KIAA1328: variants seen among roughly 807,000 people sequenced by gnomAD.
The protein encoded by KIAA1328 is KIAA1328.
In KIAA1328, 52 loss-of-function variants were observed where a neutral mutation model predicts 68.1. That is an observed-to-expected ratio of 0.76 (90% confidence interval 0.61 to 0.96). The LOEUF is 0.96. Among genes scored for constraint, KIAA1328 ranks in the 40% least tolerant of loss-of-function variants. The pLI, the probability that KIAA1328 is intolerant of heterozygous loss-of-function variation, is 0.00. For synonymous variants in KIAA1328, 232 were observed against 239.4 expected, an observed-to-expected ratio of 0.97 and a Z score of 0.28; for missense variants, 641 against 677.6, an observed-to-expected ratio of 0.95 and a Z score of 0.60.
chr18:37,199,096 T>C lies in KIAA1328; in HGVS notation c.1524-22921T>C, dbSNP rs2060058803. 3.3e-5 allele frequency among the ~76,000 whole-genome samples: 5 copies of C among 152,360 alleles called. No homozygotes were observed. The South Asian group carries it at 1.0e-3, about 32-fold the overall frequency. On this transcript the variant is annotated intron_variant, in intron 9 of 9. Transcript: ENST00000280020. ...AAGACAGAGGACATGTTTTTTGTTT[T>C]TTAACTTTTAAGTTCAAGGGTACAT...
intron 8 of KIAA1328, among the ~76,000 whole-genome samples, chr18:37,168,368 C>G (rs1200180010): frequency 6.6e-6 from 1 of 152,162 alleles, no homozygotes; most frequent in Admixed American, 6.5e-5. Flanking sequence ...TAGCTGTGTA[C>G]CTAGGAAGAA....
intron 5 of KIAA1328, among the ~76,000 whole-genome samples, chr18:36,930,071 T>C (rs1043512088): frequency 2.6e-5 from 4 of 152,166 alleles, no homozygotes; most frequent in African/African-American, 9.7e-5. Flanking sequence ...TGTAAGCCAC[T>C]GGTAGAGACC....
At chr18:36,870,538 C>A (rs1472577228) in intron 4 of KIAA1328, among the ~76,000 whole-genome samples, 2 of 152,126 alleles carry the variant, frequency 1.3e-5, no homozygotes, top group Admixed American at 6.5e-5. Context: ...CCCTTCCTGT[C>A]CTCCCATAGA....
intron 7 of KIAA1328, among the ~76,000 whole-genome samples, chr18:37,079,890 A>G (rs1032232029): frequency 3.9e-5 from 6 of 152,022 alleles, no homozygotes; most frequent in African/African-American, 1.5e-4. Flanking sequence ...GTCTCAAAAA[A>G]AAAAAAAAAA....
chr18:37,109,033 GTTT>G (rs2057855096), intron 7 of KIAA1328, among the ~76,000 whole-genome samples: 1 of 151,660 alleles, frequency 6.6e-6, no homozygotes, highest in Non-Finnish European at 1.5e-5. Flanking sequence ...GCAGTGTTTG[GTTT>G]TCTGTCCTTG....
intron 6 of KIAA1328, among the ~76,000 whole-genome samples, chr18:37,038,643 A>G (rs1329504413): frequency 6.6e-6 from 1 of 152,072 alleles, no homozygotes; most frequent in Non-Finnish European, 1.5e-5. Flanking sequence ...ATAAAGGATT[A>G]TGGCACCTGT....
chr18:36,862,532 A>G (rs1359631540), intron 4 of KIAA1328, among the ~76,000 whole-genome samples: 1 of 152,030 alleles, frequency 6.6e-6, no homozygotes, highest in Non-Finnish European at 1.5e-5. Context: ...TGCATGTATC[A>G]ATAATTTGTT....
chr18:37,123,581 C>T (rs1229066308), intron 7 of KIAA1328, among the ~76,000 whole-genome samples: 1 of 152,072 alleles, frequency 6.6e-6, no homozygotes, highest in Non-Finnish European at 1.5e-5. Context: ...AGTAAGAATA[C>T]ATTAAATTTA....
chr18:36,885,794 C>T (rs878936739), intron 5 of KIAA1328, 122 bp downstream of exon 5: 48 of 594,060 alleles, frequency 8.1e-5, no homozygotes, highest in East Asian at 7.4e-4. Flanking sequence ...TTCAGTTCAC[C>T]GCAACCTCCA....
chr18:37,058,497 G>A (rs998848905), intron 6 of KIAA1328, among the ~76,000 whole-genome samples: 2 of 152,150 alleles, frequency 1.3e-5, no homozygotes, highest in Admixed American at 6.5e-5. Context: ...TGGGTTGCCT[G>A]TGCTCAGGAG....
chr18:37,167,172 G>C (rs2059405917), intron 8 of KIAA1328, among the ~76,000 whole-genome samples: 1 of 152,186 alleles, frequency 6.6e-6, no homozygotes, highest in African/African-American at 2.4e-5. Context: ...TGGGCAGGTT[G>C]TGGGGCTCTG....
chr18:36,910,149 G>C (rs1241164228), intron 5 of KIAA1328, among the ~76,000 whole-genome samples: 2 of 152,082 alleles, frequency 1.3e-5, no homozygotes, highest in African/African-American at 4.8e-5. Context: ...GTCAATTTTG[G>C]CTTTTGTTGC....
At chr18:36,880,597 T>C (rs1463373838) in intron 4 of KIAA1328, among the ~76,000 whole-genome samples, 5 of 152,194 alleles carry the variant, frequency 3.3e-5, no homozygotes, top group Admixed American at 6.5e-5. Flanking sequence ...GTCCAGTCAA[T>C]AATGAACAGA....
intron 7 of KIAA1328, among the ~76,000 whole-genome samples, chr18:37,086,041 T>C (rs894044656): frequency 1.3e-5 from 2 of 152,186 alleles, no homozygotes; most frequent in African/African-American, 4.8e-5. Context: ...ATCTCTCTTA[T>C]ATGTAGAATC....
chr18:37,137,750 C>A (rs1489256089), intron 7 of KIAA1328, among the ~76,000 whole-genome samples: 1 of 152,120 alleles, frequency 6.6e-6, no homozygotes, highest in African/African-American at 2.4e-5. Context: ...CCTCTTTCTC[C>A]TTCTCAATAG....
rs143727505 is a variant in KIAA1328, at chr18:37,120,494, G to A, written c.1233-39706G>A. The stretch of plus-strand genomic sequence containing the variant: ...GATGAGTAATTATTTAGAATTCCTG[G>A]TAGTTTGATAAAAAGATTACATAAT... On this transcript the variant is annotated intron_variant, in intron 7 of 9. Coordinates refer to ENST00000280020, the MANE Select transcript of KIAA1328 (RefSeq NM_020776.3). Among the ~76,000 whole-genome samples the A allele has an allele frequency of 2.6e-5, 4 of 152,260 alleles. No homozygotes were observed. In the East Asian group the frequency reaches 7.7e-4, roughly 29 times the overall value.
intron 2 of KIAA1328, among the ~76,000 whole-genome samples, chr18:36,834,769 A>G (rs968588809): frequency 6.6e-6 from 1 of 152,230 alleles, no homozygotes; most frequent in Non-Finnish European, 1.5e-5. Flanking sequence ...CCCTCATTAT[A>G]TAGGGTGAAA....
chr18:37,049,424 A>G (rs575916016), intron 6 of KIAA1328, among the ~76,000 whole-genome samples: 1 of 152,336 alleles, frequency 6.6e-6, no homozygotes, highest in Admixed American at 6.5e-5. Context: ...TTTTATTTCT[A>G]AATAAAATAT....
At chr18:36,991,636 G>C (rs2053181177) in intron 6 of KIAA1328, among the ~76,000 whole-genome samples, 1 of 152,152 alleles carries the variant, frequency 6.6e-6, no homozygotes, top group African/African-American at 2.4e-5. Context: ...CACCATTCTT[G>C]AATTTGAGCT....
Sources: gnomAD v4.1 joint callset for allele counts (sites outside exome capture counted in the v4.1 genomes callset) on GRCh38, gnomAD v4.1.1 for gene constraint, MANE v1.5 for transcripts, NCBI Gene and HGNC (gene_info 2026-07-23, HGNC 2026-07-21) for gene names.